PCDH11Y: variants seen among roughly 807,000 people sequenced by gnomAD.
The protein encoded by PCDH11Y is protocadherin-11 Y-linked.
For missense variants in PCDH11Y, 12 were observed against 224.8 expected (o/e 0.05, Z 6.05); for synonymous variants, 9 against 83.6 (o/e 0.11, Z 4.87).
chrY:5,042,569 C>T, intron 3 of PCDH11Y, among the ~76,000 whole-genome samples: 1 of 26,295 alleles, frequency 3.8e-5, no homozygotes, highest in African/African-American at 1.5e-4. Flanking sequence ...GTTCTTTTGG[C>T]TTAGGATTGA....
intron 2 of PCDH11Y, among the ~76,000 whole-genome samples, chrY:5,121,711 A>G: frequency 3.1e-5 from 1 of 32,777 alleles, no homozygotes; most frequent in East Asian, 8.1e-4. Flanking sequence ...TCTTCAAATA[A>G]TTACACCTAA....
At chrY:5,561,855 T>C in intron 3 of PCDH11Y, among the ~76,000 whole-genome samples, 1 of 29,291 alleles carries the variant, frequency 3.4e-5, no homozygotes, top group Admixed American at 3.1e-4. Context: ...ACCAAGAATA[T>C]GTGTGTGTGG....
chrY:5,063,207 T>C, intron 1 of PCDH11Y, among the ~76,000 whole-genome samples: 1 of 22,391 alleles, frequency 4.5e-5, no homozygotes, highest in Non-Finnish European at 1.0e-4. Flanking sequence ...ATATTGATTA[T>C]ATAACAACAC....
At chrY:5,709,371 A>G in intron 4 of PCDH11Y, among the ~76,000 whole-genome samples, 1 of 33,311 alleles carries the variant, frequency 3.0e-5, no homozygotes, top group South Asian at 6.6e-4. Context: ...GTCTTTCTTT[A>G]TGCAGCAGGC....
At chrY:5,408,012 G>A in intron 2 of PCDH11Y, among the ~76,000 whole-genome samples, 1 of 29,948 alleles carries the variant, frequency 3.3e-5, no homozygotes, top group East Asian at 9.3e-4. Context: ...CTTCTGTTAC[G>A]AAATCTCAAT....
chrY:5,603,180 C>G, intron 4 of PCDH11Y, among the ~76,000 whole-genome samples: 1 of 30,083 alleles, frequency 3.3e-5, no homozygotes, highest in Non-Finnish European at 7.9e-5. Flanking sequence ...AAAAAGTTTT[C>G]CTGATACATA....
At position 5,436,961 on chromosome Y, in the gene PCDH11Y, C is replaced by G. The variant is rs1458367412; in HGVS notation, c.3130-64096C>G. On this transcript the variant is annotated intron_variant, in intron 2 of 4. Transcript: ENST00000400457. ...GAAATGATGAAGGGGATACTTAATA[C>G]TGTTTGATTTTAATAAATGCTTTAG... Among the ~76,000 whole-genome samples, 5 of 32,405 alleles carry G rather than the reference C, an allele frequency of 1.5e-4. No homozygotes were observed. The East Asian group carries it at 4.1e-3, about 26-fold the overall frequency. The allele number at this position is 32,405 out of a possible 37,273, so 86.9% of individuals were successfully genotyped here.
rs2124654340 is a variant in PCDH11Y at position 5,235,690 on chromosome Y, A to G, written c.3129+134983A>G. ...GCCAATGGGTATCTAGGTTGATTCC[A>G]TGTTTTTGCTATTGTGAATAGTGCT... On this transcript the variant is annotated intron_variant, in intron 2 of 4. Transcript: ENST00000400457. Among the ~76,000 whole-genome samples the G allele has an allele frequency of 1.8e-4, 6 of 33,338 alleles. No individual in the cohort carries two copies. In the South Asian group the frequency reaches 3.4e-3, roughly 19 times the overall value. 89.4% of individuals were successfully genotyped at this position (33,338 alleles called of 37,273 possible).
chrY:5,408,371 T>G (rs2124678044), intron 2 of PCDH11Y, among the ~76,000 whole-genome samples: 1 of 34,049 alleles, frequency 2.9e-5, no homozygotes, highest in African/African-American at 1.1e-4. Context: ...TTGCAACATT[T>G]TTTGAAATCT....
intron 4 of PCDH11Y, among the ~76,000 whole-genome samples, chrY:5,640,384 T>A (rs374861785): frequency 1.5e-4 from 5 of 33,560 alleles, no homozygotes; most frequent in African/African-American, 5.8e-4. Flanking sequence ...TTTACACAGA[T>A]GTATCAGAGG....
intron 2 of PCDH11Y, among the ~76,000 whole-genome samples, chrY:5,364,243 A>G: frequency 3.0e-5 from 1 of 33,126 alleles, no homozygotes; most frequent in Non-Finnish European, 7.4e-5. Flanking sequence ...TGAGACAACA[A>G]TAAGAAACTT....
intron 1 of PCDH11Y, among the ~76,000 whole-genome samples, chrY:5,068,319 T>C (rs1602855600): frequency 3.0e-5 from 1 of 33,332 alleles, no homozygotes. Context: ...GCAATTGCTA[T>C]TTCATGAAAA....
At chrY:5,166,323 A>C in intron 2 of PCDH11Y, among the ~76,000 whole-genome samples, 1 of 33,039 alleles carries the variant, frequency 3.0e-5, no homozygotes, top group Non-Finnish European at 7.5e-5. Context: ...AAATTGTATC[A>C]GTCAAATCCA....
At chrY:5,639,199 C>T in intron 4 of PCDH11Y, among the ~76,000 whole-genome samples, 7 of 28,507 alleles carry the variant, frequency 2.5e-4, no homozygotes, top group Non-Finnish European at 8.2e-5. Flanking sequence ...CTTCTAATTA[C>T]ATAAGAGAGG....
At chrY:5,139,648 CAAAAA>C (rs3884264) in intron 2 of PCDH11Y, among the ~76,000 whole-genome samples, 2 of 4,656 alleles carry the variant, frequency 4.3e-4, no homozygotes, top group Non-Finnish European at 9.9e-4. Flanking sequence ...ACAGCAGCTG[CAAAAA>C]AAAAAAAAAA....
At chrY:5,343,506 G>A (rs2053148864) in intron 2 of PCDH11Y, among the ~76,000 whole-genome samples, 1 of 33,112 alleles carries the variant, frequency 3.0e-5, no homozygotes, top group Non-Finnish European at 7.4e-5. Flanking sequence ...GCCCTCCTCA[G>A]CCTCCCAAAG....
At chrY:5,591,564 T>A in intron 4 of PCDH11Y, among the ~76,000 whole-genome samples, 1 of 32,488 alleles carries the variant, frequency 3.1e-5, no homozygotes, top group African/African-American at 1.2e-4. Flanking sequence ...TCTTGTCTTC[T>A]GCTAGCTTTG....
chrY:5,246,977 A>T (rs1602892967), intron 2 of PCDH11Y, among the ~76,000 whole-genome samples: 227 of 33,529 alleles, frequency 6.8e-3, no homozygotes, highest in African/African-American at 0.025. Flanking sequence ...ACCACAAAAG[A>T]TCAAGAAAGA....
chrY:5,264,460 G>T, intron 2 of PCDH11Y, among the ~76,000 whole-genome samples: 1 of 33,806 alleles, frequency 3.0e-5, no homozygotes, highest in Non-Finnish European at 7.4e-5. Context: ...ATCACTGATG[G>T]TTACTCAGAG....
Sources: gnomAD v4.1 joint callset for allele counts (sites outside exome capture counted in the v4.1 genomes callset) on GRCh38, gnomAD v4.1.1 for gene constraint, MANE v1.5 for transcripts, NCBI Gene and HGNC (gene_info 2026-07-23, HGNC 2026-07-21) for gene names.